The following STARD13 variants were observed in gnomAD, a reference collection of about 807,000 sequenced individuals.
STARD13 encodes the protein StAR related lipid transfer domain containing 13.
STARD13 carries 62 observed loss-of-function variants against 106.4 expected under a neutral mutation model. The observed-to-expected ratio is 0.58, with a 90% CI of 0.48 to 0.72. STARD13 has a LOEUF of 0.72. Ranked by LOEUF, STARD13 falls within the 30% of genes least tolerant of loss-of-function variation. STARD13 has a pLI of 0.00. For missense variants in STARD13, 1,387 were observed against 1,424.0 expected (o/e 0.97, Z 0.42); for synonymous variants, 565 against 553.0 (o/e 1.02, Z -0.31).
At chr13:33,349,108 C>A (rs916562892) in exon 2 of STARD13, 3 of 702,220 alleles carry the variant, frequency 4.3e-6, no homozygotes, top group Middle Eastern at 2.3e-4. Flanking sequence ...AAGGTTAAAT[C>A]TCCCGCTTCA....
intron 3 of STARD13, among the ~76,000 whole-genome samples, chr13:33,152,322 C>T (rs1038232770): frequency 6.6e-6 from 1 of 151,208 alleles, no homozygotes; most frequent in African/African-American, 2.4e-5. Context: ...TCCTCCTTCA[C>T]ATGTTTTTTT....
the STARD13 span, among the ~76,000 whole-genome samples, chr13:33,452,823 C>A: frequency 6.6e-6 from 1 of 152,176 alleles, no homozygotes; most frequent in East Asian, 1.9e-4. Flanking sequence ...AAATGAGTAA[C>A]CTGGAACAGC....
chr13:33,650,253 C>G, the STARD13 span, among the ~76,000 whole-genome samples: 12 of 121,040 alleles, frequency 9.9e-5, no homozygotes, highest in East Asian at 5.4e-4. Context: ...TGCAGTGGCG[C>G]GATCTCTGCT....
intron 1 of STARD13, among the ~76,000 whole-genome samples, chr13:33,299,039 C>A (rs924852469): frequency 6.6e-6 from 1 of 152,136 alleles, no homozygotes; most frequent in Non-Finnish European, 1.5e-5. Context: ...ATACGTTTAC[C>A]GTACTTTTTC....
At position 33,265,105 on chromosome 13, in the gene STARD13, ACT is replaced by A. The variant is rs1468668123; in HGVS notation, c.169+20363_169+20364del. Among the ~76,000 whole-genome samples the A allele has an allele frequency of 5.3e-5, 8 of 152,258 alleles. No homozygotes were observed. In the East Asian group the frequency reaches 1.5e-3, roughly 29 times the overall value. On this transcript the variant is annotated intron_variant, in intron 1 of 13. Coordinates refer to ENST00000336934, the MANE Select transcript of STARD13 (RefSeq NM_178006.4). ...GCTTCTTCCTCCTTGAAGCACACAAACTCTGTTTCCTGAAGCTTCCTTACTCA... is the reference window on the plus strand; with the variant it reads ...GCTTCTTCCTCCTTGAAGCACACAAACTGTTTCCTGAAGCTTCCTTACTCA...
intron 1 of STARD13, among the ~76,000 whole-genome samples, chr13:33,234,056 G>A (rs1889064535): frequency 6.6e-6 from 1 of 152,216 alleles, no homozygotes; most frequent in Non-Finnish European, 1.5e-5. Flanking sequence ...CCAAAGATAT[G>A]TATGATCATA....
Position 33,243,814 on chromosome 13 carries a change from T to C in STARD13, c.169+41656A>G, listed in dbSNP as rs765675018. Among the ~76,000 whole-genome samples, 51 of 152,142 alleles carry C rather than the reference T, an allele frequency of 3.4e-4. 1 individual carries two copies. Among genetic ancestry groups the C allele is most frequent in the Non-Finnish European group, 5.6e-4 (38 of 68,022 alleles). On this transcript the variant is annotated intron_variant, in intron 1 of 13. Coordinates refer to ENST00000336934, the MANE Select transcript of STARD13 (RefSeq NM_178006.4). The stretch of plus-strand genomic sequence containing the variant: ...GAACTATGTCAGCTTCGTTTACCTG[T>C]TAAGCCCAGGTCTGGCACCTGTAAG...
the STARD13 span, chr13:33,611,459 C>T: frequency 3.2e-4 from 49 of 152,372 alleles, no homozygotes; most frequent in African/African-American, 1.1e-3. Flanking sequence ...TTCCACTCCT[C>T]GCCAGGCTTT....
chr13:33,193,334 G>A (rs1357128601), intron 1 of STARD13, among the ~76,000 whole-genome samples: 1 of 152,160 alleles, frequency 6.6e-6, no homozygotes, highest in South Asian at 2.1e-4. Flanking sequence ...AGATCTTGAC[G>A]CCTTGCAGAA....
chr13:33,569,516 G>A, the STARD13 span, among the ~76,000 whole-genome samples: 1 of 147,258 alleles, frequency 6.8e-6, no homozygotes, highest in Non-Finnish European at 1.5e-5. Context: ...AAATTTTAAG[G>A]ATTTAATAGT....
chr13:33,234,457 A>G (rs1345864858), intron 1 of STARD13, among the ~76,000 whole-genome samples: 1 of 152,148 alleles, frequency 6.6e-6, no homozygotes, highest in East Asian at 1.9e-4. Context: ...CTTCACTGAC[A>G]TTCCCCTTGC....
the STARD13 span, among the ~76,000 whole-genome samples, chr13:33,403,112 A>G: frequency 6.6e-6 from 1 of 152,164 alleles, no homozygotes; most frequent in African/African-American, 2.4e-5. Context: ...CCACCCCTAG[A>G]CACTACTGCA....
the STARD13 span, among the ~76,000 whole-genome samples, chr13:33,554,595 C>G: frequency 2.0e-5 from 3 of 152,132 alleles, no homozygotes; most frequent in African/African-American, 7.2e-5. Flanking sequence ...CCTGTTATTA[C>G]AAAGTAAAGT....
intron 1 of STARD13, among the ~76,000 whole-genome samples, chr13:33,210,876 A>G (rs1887677645): frequency 6.6e-6 from 1 of 152,180 alleles, no homozygotes; most frequent in African/African-American, 2.4e-5. Flanking sequence ...TCCACATCAG[A>G]ATCGGCCATT....
At chr13:33,152,871 G>A (rs941101704) in intron 3 of STARD13, among the ~76,000 whole-genome samples, 13 of 152,168 alleles carry the variant, frequency 8.5e-5, no homozygotes, top group African/African-American at 2.7e-4. Context: ...CGAAGAGCCC[G>A]TGGCCTATAA....
At chr13:33,435,772 G>A in the STARD13 span, among the ~76,000 whole-genome samples, 105 of 152,168 alleles carry the variant, frequency 6.9e-4, no homozygotes, top group African/African-American at 2.3e-3. Context: ...CACAGTGCAA[G>A]GGACATAATA....
At chr13:33,670,843 C>G in the STARD13 span, among the ~76,000 whole-genome samples, 1 of 152,154 alleles carries the variant, frequency 6.6e-6, no homozygotes, top group Non-Finnish European at 1.5e-5. Context: ...CATCTTGTCT[C>G]CCATGATACC....
chr13:33,132,924 G>T (rs910515791), intron 4 of STARD13, among the ~76,000 whole-genome samples: 4 of 152,024 alleles, frequency 2.6e-5, no homozygotes, highest in Non-Finnish European at 4.4e-5. Context: ...ACATATGAGG[G>T]TCATTTATAC....
At chr13:33,480,569 T>A in the STARD13 span, among the ~76,000 whole-genome samples, 1 of 152,146 alleles carries the variant, frequency 6.6e-6, no homozygotes, top group Non-Finnish European at 1.5e-5. Context: ...GAACCAGGAT[T>A]ATCACTACAG....
Sources: allele counts gnomAD v4.1 joint callset (sites outside exome capture counted in the v4.1 genomes callset), GRCh38; gene constraint gnomAD v4.1.1; transcripts MANE v1.5; gene names NCBI Gene and HGNC (gene_info 2026-07-23, HGNC 2026-07-21).